The following PDE1C variants were observed in gnomAD, a reference collection of about 807,000 sequenced individuals.
The protein encoded by PDE1C is phosphodiesterase 1C.
PDE1C carries 62 observed loss-of-function variants against 93.1 expected under a neutral mutation model. The ratio of observed to expected loss-of-function variants is 0.67; its 90% CI spans 0.54 to 0.82. The LOEUF is 0.82. Among genes scored for constraint, PDE1C ranks in the 40% least tolerant of loss-of-function variants. The pLI is 0.00. For missense variants in PDE1C, 742 were observed against 884.6 expected (o/e 0.84, Z 2.04); for synonymous variants, 325 against 310.1 (o/e 1.05, Z -0.50).
chr7:32,279,343 C>T (rs942616926), intron 1 of PDE1C, among the ~76,000 whole-genome samples: 1 of 152,088 alleles, frequency 6.6e-6, no homozygotes, highest in Non-Finnish European at 1.5e-5. Flanking sequence ...GGGGAAAGGT[C>T]GGTCAACAGG....
chr7:32,115,318 G>C (rs550308865), intron 3 of PDE1C, among the ~76,000 whole-genome samples: 8 of 152,284 alleles, frequency 5.3e-5, no homozygotes, highest in Admixed American at 1.3e-4. Flanking sequence ...GTTCTTCGCA[G>C]GGACATGGAT....
intron 1 of PDE1C, among the ~76,000 whole-genome samples, chr7:32,317,455 G>T (rs1783198602): frequency 6.6e-6 from 1 of 151,962 alleles, no homozygotes; most frequent in Non-Finnish European, 1.5e-5. Context: ...CTACTGAGAG[G>T]GTGTAAAATT....
At chr7:31,739,037 A>C in the PDE1C span, among the ~76,000 whole-genome samples, 1 of 115,976 alleles carries the variant, frequency 8.6e-6, no homozygotes, top group Non-Finnish European at 1.7e-5. Flanking sequence ...CATGTACCTC[A>C]TCCTACACCC....
chr7:32,290,506 A>G (rs1812266599), intron 1 of PDE1C, among the ~76,000 whole-genome samples: 1 of 152,150 alleles, frequency 6.6e-6, no homozygotes, highest in East Asian at 1.9e-4. Context: ...ACAACGCAAC[A>G]AAGAAGGAAT....
chr7:31,620,288 A>C, the PDE1C span, among the ~76,000 whole-genome samples: 1 of 152,056 alleles, frequency 6.6e-6, no homozygotes, highest in African/African-American at 2.4e-5. Context: ...GAGATCTGAG[A>C]ACGGGCAGAC....
chr7:31,822,869 T>A (rs79225568), intron 14 of PDE1C, among the ~76,000 whole-genome samples: 2,501 of 152,266 alleles, frequency 0.016, 26 homozygotes, highest in African/African-American at 0.028. Flanking sequence ...ATAAAGGGAA[T>A]CATGTCAGGA....
the PDE1C span, chr7:31,696,969 G>T: frequency 6.2e-7 from 1 of 1,614,004 alleles, no homozygotes; most frequent in Non-Finnish European, 8.5e-7. Context: ...ATGCAGGTGT[G>T]TTTTCAGAAC....
chr7:32,377,567 T>C (rs1190384557), intron 1 of PDE1C, among the ~76,000 whole-genome samples: 1 of 152,184 alleles, frequency 6.6e-6, no homozygotes, highest in Non-Finnish European at 1.5e-5. Context: ...ATGTTCCAAG[T>C]CATCAATAAT....
the PDE1C span, chr7:31,656,470 G>A: frequency 1.0e-6 from 1 of 980,172 alleles, no homozygotes; most frequent in Non-Finnish European, 1.2e-6. Context: ...TATTACAAGT[G>A]CACATACCAA....
chr7:32,151,004 T>C (rs1801218356), intron 3 of PDE1C, among the ~76,000 whole-genome samples: 1 of 152,168 alleles, frequency 6.6e-6, no homozygotes, highest in East Asian at 1.9e-4. Context: ...CTCTGGGGAC[T>C]CAAAAACAAA....
chr7:31,723,848 T>C, the PDE1C span, among the ~76,000 whole-genome samples: 2 of 152,302 alleles, frequency 1.3e-5, no homozygotes, highest in Admixed American at 1.3e-4. Flanking sequence ...GTCTCTCCGC[T>C]CCTGACCCCC....
At chr7:31,748,531 A>C (rs964534768), downstream of PDE1C, among the ~76,000 whole-genome samples, 22 of 152,252 alleles carry the variant, frequency 1.4e-4, no homozygotes, top group Non-Finnish European at 2.8e-4. Flanking sequence ...TAAAATATGC[A>C]GATGAGGAGA....
intron 1 of PDE1C, among the ~76,000 whole-genome samples, chr7:32,316,047 T>C (rs1349404034): frequency 6.6e-6 from 1 of 152,186 alleles, no homozygotes; most frequent in Non-Finnish European, 1.5e-5. Context: ...AACTAAATTG[T>C]CCTAAGCCAG....
intron 16 of PDE1C, among the ~76,000 whole-genome samples, chr7:31,801,152 TA>T (rs1458948612): frequency 6.6e-6 from 1 of 150,624 alleles, no homozygotes; most frequent in East Asian, 2.0e-4. Flanking sequence ...TGGATATTAA[TA>T]AAATAGAAAA....
intron 16 of PDE1C, among the ~76,000 whole-genome samples, chr7:31,778,442 A>T (rs998618677): frequency 6.6e-6 from 1 of 152,050 alleles, no homozygotes; most frequent in Non-Finnish European, 1.5e-5. Flanking sequence ...GGGCTGTACA[A>T]TTCTTTGTGG....
rs1363172777 is a variant in PDE1C, at chr7:32,420,362, T to TAC, written c.310+7459_310+7460insGT. On this transcript the variant is annotated intron_variant, in intron 1 of 1. Transcript: ENST00000672256. Reference sequence around the variant, plus strand: ...ATGTGTATATATATGTGTATATATATATGTGTATATATATGTGTATATATA... The same window carrying TAC: ...ATGTGTATATATATGTGTATATATATACATGTGTATATATATGTGTATATATA... 5.2e-4 allele frequency among the ~76,000 whole-genome samples: 11 copies of TAC among 21,100 alleles called. 4 individuals carry two copies. The highest frequency in any genetic ancestry group is 0.031 in the Middle Eastern group (2 of 64). The allele number at this position is 21,100 out of a possible 152,430, so 13.8% of individuals were successfully genotyped here. A position where few individuals can be genotyped will look rare whatever the true frequency, so the allele number is the denominator to read the frequency against.
chr7:31,925,592 A>T (rs1163025297), intron 2 of PDE1C, among the ~76,000 whole-genome samples: 1 of 152,230 alleles, frequency 6.6e-6, no homozygotes, highest in Non-Finnish European at 1.5e-5. Context: ...TGCTATACAC[A>T]AGAAACCACT....
At chr7:32,065,046 G>C (rs1220929758) in intron 1 of PDE1C, among the ~76,000 whole-genome samples, 2 of 42,850 alleles carry the variant, frequency 4.7e-5, no homozygotes, top group Non-Finnish European at 1.1e-4. Context: ...CTGACGGAAC[G>C]GCGGTGGGGG....
At chr7:31,797,991 C>T (rs746448548) in intron 16 of PDE1C, among the ~76,000 whole-genome samples, 4 of 151,674 alleles carry the variant, frequency 2.6e-5, no homozygotes, top group Non-Finnish European at 4.4e-5. Flanking sequence ...TTCTTGGCAG[C>T]TCCGTCCCAA....
Sources: gnomAD v4.1 joint callset for allele counts (sites outside exome capture counted in the v4.1 genomes callset) on GRCh38, gnomAD v4.1.1 for gene constraint, MANE v1.5 for transcripts, NCBI Gene and HGNC (gene_info 2026-07-23, HGNC 2026-07-21) for gene names.